Variants in PRDM11 observed in about 807,000 individuals in gnomAD.
PRDM11 encodes PR domain-containing protein 11.
Under a neutral mutation model 97.8 loss-of-function variants are expected in PRDM11, and 20 were observed. The observed-to-expected ratio is 0.20, with a 90% confidence interval of 0.14 to 0.30. The LOEUF (loss-of-function observed/expected upper bound fraction) is 0.30, where lower values mean the gene tolerates loss of function less well. Ranked by LOEUF, PRDM11 falls within the 10% of genes least tolerant of loss-of-function variation. The pLI is 1.00. For missense variants in PRDM11, 1,139 were observed against 1,555.2 expected (o/e 0.73, Z 4.50); for synonymous variants, 599 against 637.7 (o/e 0.94, Z 0.91).
rs563239120 is a variant in PRDM11 at position 45,210,062 on chromosome 11, C to T, written c.554+5284C>T. Among the ~76,000 whole-genome samples the T allele has an allele frequency of 4.3e-4, 65 of 152,172 alleles. 1 individual carries two copies. The highest frequency in any genetic ancestry group is 7.6e-4 in the Non-Finnish European group (52 of 67,990). On this transcript the variant is annotated intron_variant, in intron 5 of 7. Coordinates refer to ENST00000683152, the MANE Select transcript of PRDM11 (RefSeq NM_001384648.1). The stretch of plus-strand genomic sequence containing the variant: ...CCAGGAAAGCCCAAGTGTAGCAGCG[C>T]GGGGGAGGGGGCTGGAGACGAGGCG...
chr11:45,226,452 C>T lies in PRDM11; in HGVS notation c.1827C>T (p.Phe609=), dbSNP rs1185865499. 2 of 1,533,906 alleles carry T rather than the reference C, an allele frequency of 1.3e-6. No individual in the cohort carries two copies. Among genetic ancestry groups the T allele is most frequent in the African/African-American group, 1.4e-5 (1 of 72,992 alleles). Residue 609 remains phenylalanine (F), a synonymous_variant, in exon 8 of 8, where the codon TTC becomes TTT. Coordinates refer to ENST00000683152, the MANE Select transcript of PRDM11 (RefSeq NM_001384648.1). ...TGGAGGGCAGGCCCTACCTGGACTT[C>T]CGGCCCCTGGCGGAGCTGCTGAGGA... ...LALEGRPYLD[F]RPLAELLRKC... is the part of the protein sequence containing the mutation.
intron 1 of PRDM11, among the ~76,000 whole-genome samples, chr11:45,098,178 G>C (rs958153828): frequency 6.6e-6 from 1 of 152,214 alleles, no homozygotes; most frequent in African/African-American, 2.4e-5. Context: ...GGAGGGGATG[G>C]CCTCGTTCCC....
At chr11:45,180,817 G>C (rs1398643482) in intron 1 of PRDM11, among the ~76,000 whole-genome samples, 1 of 151,180 alleles carries the variant, frequency 6.6e-6, no homozygotes, top group Non-Finnish European at 1.5e-5. Flanking sequence ...CACGGGGCAG[G>C]GGGCGGCGCG....
intron 1 of PRDM11, among the ~76,000 whole-genome samples, chr11:45,156,113 G>A (rs141542174): frequency 6.6e-6 from 1 of 152,228 alleles, no homozygotes; most frequent in Non-Finnish European, 1.5e-5. Context: ...TGGGAGATAA[G>A]GTCAGCCATC....
chr11:45,146,402 C>A (rs551759847), upstream of PRDM11, among the ~76,000 whole-genome samples: 1 of 152,312 alleles, frequency 6.6e-6, no homozygotes, highest in South Asian at 2.1e-4. Context: ...TCTCTCTTAA[C>A]CTTTTCTTTT....
At chr11:45,111,369 C>G (rs2135606406) in intron 1 of PRDM11, among the ~76,000 whole-genome samples, 1 of 54,650 alleles carries the variant, frequency 1.8e-5, no homozygotes, top group East Asian at 3.4e-4. Flanking sequence ...TTGCTTCGGA[C>G]CAACGAACCC....
chr11:45,203,612 C>A (rs531178150), intron 4 of PRDM11, among the ~76,000 whole-genome samples: 16 of 143,820 alleles, frequency 1.1e-4, no homozygotes, highest in Non-Finnish European at 2.1e-4. Flanking sequence ...ATATATTGAG[C>A]TACTCCCATA....
rs1473767955 is a variant in PRDM11 at position 45,149,189 on chromosome 11, A to T, written c.-7+2312A>T. Among the ~76,000 whole-genome samples the T allele has an allele frequency of 2.6e-5, 4 of 152,174 alleles. No homozygotes were observed. In the East Asian group the frequency reaches 7.7e-4, roughly 29 times the overall value. On this transcript the variant is annotated intron_variant, in intron 1 of 7. Transcript: ENST00000683152. Reference sequence around the variant, plus strand: ...AATGTCTACCTGCAGTCACCCCCTCATGGCAGTCAGAGTGATCCATTCCAA... The same window carrying T: ...AATGTCTACCTGCAGTCACCCCCTCTTGGCAGTCAGAGTGATCCATTCCAA...
At chr11:45,212,631 C>T (rs1383216572) in intron 5 of PRDM11, 2 of 456,346 alleles carry the variant, frequency 4.4e-6, no homozygotes, top group Non-Finnish European at 8.8e-6. Flanking sequence ...GAGGCCCTGC[C>T]CCATCCCTCG....
intron 1 of PRDM11, among the ~76,000 whole-genome samples, chr11:45,171,347 A>T (rs889020752): frequency 1.3e-5 from 2 of 152,034 alleles, no homozygotes; most frequent in African/African-American, 4.8e-5. Context: ...TGATTCACCC[A>T]CCTCGGCCTC....
rs1475129866 is a variant in PRDM11 at position 45,231,125 on chromosome 11, G to A, written c.*2966G>A. ...TGCTGAATTTAGCCATGCCAGGGCT[G>A]TGGCAGACACTCTGTAGGCCACACT... On this transcript the variant is annotated 3_prime_UTR_variant, in exon 8 of 8. Transcript: ENST00000683152. 1 of 152,218 alleles carries A rather than the reference G, an allele frequency of 6.6e-6. No individual in the cohort carries two copies. The highest frequency in any genetic ancestry group is 2.4e-5 in the African/African-American group (1 of 41,446). The allele number at this position is 152,218 out of a possible 1,614,324, so 9.4% of individuals were successfully genotyped here.
rs182571470 is a variant in PRDM11, at chr11:45,130,073, A to T, written c.96+34172A>T. On this transcript the variant is annotated intron_variant, in intron 1 of 6. Coordinates refer to the PRDM11 transcript ENST00000530656. ...TGGCCTAATGTCTTAGATCAATTGG[A>T]TATTCATATGGGAAAAAAATGAAGC... is the stretch of plus-strand genomic sequence containing the variant. 3.6e-4 allele frequency among the ~76,000 whole-genome samples: 55 copies of T among 152,298 alleles called. 1 individual carries two copies. Among genetic ancestry groups the T allele is most frequent in the Non-Finnish European group, 4.4e-4 (30 of 68,016 alleles).
At chr11:45,212,120 A>T (rs3758727) in intron 5 of PRDM11, among the ~76,000 whole-genome samples, 53,197 of 152,156 alleles carry the variant, frequency 0.35, 10,254 homozygotes, top group Non-Finnish European at 0.45. Context: ...AGTCGTTATC[A>T]TTGCAGAAAG....
At position 45,227,510 on chromosome 11, in the gene PRDM11, A is replaced by G. The variant is rs919038823; in HGVS notation, c.2885A>G (p.Lys962Arg). The change falls in exon 8 of 8, where the codon AAG becomes AGG. Residue 962 changes from lysine to arginine, a missense_variant. Physicochemically the swap from Lys to Arg is conservative, Grantham distance 26. Coordinates refer to ENST00000683152, the MANE Select transcript of PRDM11 (RefSeq NM_001384648.1). The surrounding 1 kb of genome is among the most constrained non-coding windows in gnomAD (Gnocchi z 8.0). Reference sequence around the variant, plus strand: ...GCCAAGTTCCAGTCCATCAGGGAGAAGATCTGCCAGAAGACCCAGGTCATC... The same window carrying G: ...GCCAAGTTCCAGTCCATCAGGGAGAGGATCTGCCAGAAGACCCAGGTCATC... ...AEAKFQSIRE[K>R]ICQKTQVILA... 9.1e-6 allele frequency: 14 copies of G among 1,533,794 alleles called. No homozygotes were observed. The Admixed American group carries it at 2.7e-4, about 30-fold the overall frequency.
chr11:45,146,397 CTT>C (rs200594641), upstream of PRDM11, among the ~76,000 whole-genome samples: 66 of 152,328 alleles, frequency 4.3e-4, 1 homozygote, highest in East Asian at 9.9e-3. Context: ...AAAGTTCTCT[CTT>C]AACCTTTTCT....
chr11:45,211,402 C>T (rs1333637343), intron 5 of PRDM11, among the ~76,000 whole-genome samples: 1 of 152,176 alleles, frequency 6.6e-6, no homozygotes, highest in Non-Finnish European at 1.5e-5. Context: ...GTAGGGTCAG[C>T]CCATACATCA....
chr11:45,095,480 C>T (rs756923676), upstream of PRDM11, among the ~76,000 whole-genome samples: 9 of 152,188 alleles, frequency 5.9e-5, no homozygotes, highest in Non-Finnish European at 1.2e-4. Flanking sequence ...GTTTCAGTCT[C>T]GCCTTTGTCA....
intron 6 of PRDM11, among the ~76,000 whole-genome samples, chr11:45,220,948 A>T (rs1854103636): frequency 6.6e-6 from 1 of 152,056 alleles, no homozygotes; most frequent in African/African-American, 2.4e-5. Flanking sequence ...CCACGCATCC[A>T]AACACCTAGA....
chr11:45,141,720 T>C (rs982358745), upstream of PRDM11, among the ~76,000 whole-genome samples: 4 of 152,160 alleles, frequency 2.6e-5, no homozygotes, highest in African/African-American at 7.2e-5. Flanking sequence ...GCCACTGACA[T>C]TACTGCTCCT....
Sources: allele counts gnomAD v4.1 joint callset (sites outside exome capture counted in the v4.1 genomes callset), GRCh38; gene constraint gnomAD v4.1.1; non-coding constraint Gnocchi (gnomAD v3.1); transcripts MANE v1.5; gene names NCBI Gene and HGNC (gene_info 2026-07-23, HGNC 2026-07-21).